Variants in ABCF3 observed in about 807,000 individuals in gnomAD.
The protein encoded by ABCF3 is ATP binding cassette subfamily F member 3.
A neutral mutation model predicts 94.3 loss-of-function variants in ABCF3; 62 were observed. That is an observed-to-expected ratio of 0.66 (90% CI 0.54 to 0.81). The LOEUF is 0.81. ABCF3 is among the 40% of genes least tolerant of loss of function. ABCF3 has a pLI of 0.00. For missense variants in ABCF3, 843 were observed against 925.3 expected (o/e 0.91, Z 1.15); for synonymous variants, 355 against 361.1 (o/e 0.98, Z 0.19).
rs1361935559 is a variant in ABCF3, at chr3:184,189,158, G to T, written c.1034+14G>T. On this transcript the variant is annotated intron_variant, in intron 10 of 20. Transcript: ENST00000429586. ...CCTCTTTGCTAGGTGAGTCTCCTGG[G>T]CCAGTGTATGAAGCCCTATGGAAGA... 6.8e-6 allele frequency: 11 copies of T among 1,614,064 alleles called. No homozygotes were observed. The Admixed American group carries it at 1.8e-4, about 27-fold the overall frequency.
Position 184,188,977 on chromosome 3 carries a change from G to T in ABCF3, c.966G>T (p.Gln322His). The T allele has an allele frequency of 6.2e-7, 1 of 1,614,230 alleles. No individual in the cohort carries two copies. Among genetic ancestry groups the T allele is most frequent in the East Asian group, 2.2e-5 (1 of 44,884 alleles). The change falls in exon 9 of 21, where the codon CAG (glutamine) becomes CAT (histidine). Residue 322 changes from glutamine (Q) to histidine (H), a missense_variant. Transcript: ENST00000429586. ...AGLGFTPKMQ[Q>H]QPTREFSGGW... ...TTGGCTTTACCCCTAAAATGCAGCA[G>T]CAGCCCACCCGGTGAGTGACCCTTG...
At chr3:184,190,097 CT>C in intron 14 of ABCF3, 166 bp downstream of exon 14, 1 of 677,118 alleles carries the variant, frequency 1.5e-6, no homozygotes, top group Non-Finnish European at 2.5e-6. Flanking sequence ...TCTTGGAGGG[CT>C]AATCTTGACT....
At chr3:184,187,574 A>T (rs1715719341) in intron 4 of ABCF3, 90 bp from the exon 5 acceptor site, 1 of 1,548,680 alleles carries the variant, frequency 6.5e-7, no homozygotes, top group Non-Finnish European at 8.9e-7. Flanking sequence ...CATCATGGGT[A>T]AGTTAAGAGG....
chr3:184,190,949 A>T, intron 14 of ABCF3, 50 bp from the exon 15 acceptor site: 1 of 1,601,770 alleles, frequency 6.2e-7, no homozygotes, highest in Middle Eastern at 1.8e-4. Flanking sequence ...CTCGTGTAGG[A>T]AGTTATTTTT....
At chr3:184,188,584 C>A in intron 7 of ABCF3, 177 bp downstream of exon 7, 2 of 1,042,864 alleles carry the variant, frequency 1.9e-6, no homozygotes, top group Non-Finnish European at 1.4e-6. Flanking sequence ...CTTTCTTGTT[C>A]TTTCCACAGT....
At chr3:184,188,592 A>G (rs1338703898) in intron 7 of ABCF3, 169 bp from the exon 8 acceptor site, 3 of 1,021,664 alleles carry the variant, frequency 2.9e-6, no homozygotes, top group Non-Finnish European at 2.8e-6. Context: ...TTCTTTCCAC[A>G]GTGCCCATTT....
chr3:184,186,933 C>T (rs943809468), intron 3 of ABCF3, 58 bp downstream of exon 3: 2 of 1,536,016 alleles, frequency 1.3e-6, no homozygotes, highest in Admixed American at 1.8e-5. Flanking sequence ...CGCCCCCAAC[C>T]ATCTGCTGCC....
chr3:184,187,617 T>G (rs772626198), intron 4 of ABCF3, 47 bp from the exon 5 acceptor site: 12 of 1,608,942 alleles, frequency 7.5e-6, no homozygotes, highest in Admixed American at 1.7e-5. Flanking sequence ...TGGGGTTCCT[T>G]TCTGAGCCTA....
In ABCF3 at chr3:184,192,616, G is replaced by C; in HGVS notation, c.1585G>C (p.Ala529Pro). Residue 529 changes from alanine (A) to proline (P), a missense_variant, in exon 17 of 21, where the codon GCT (alanine) becomes CCT (proline). Coordinates refer to ENST00000429586, the MANE Select transcript of ABCF3 (RefSeq NM_018358.3). ...SRICVVGENG[A>P]GKSTMLKLLL... ...GTTTCTTAAGGTTGGAGAGAATGGGGCTGGGAAGTCTACCATGCTGAAGCT... is the reference window on the plus strand; with the variant it reads ...GTTTCTTAAGGTTGGAGAGAATGGGCCTGGGAAGTCTACCATGCTGAAGCT... 1 of 1,609,932 alleles carries C rather than the reference G, an allele frequency of 6.2e-7. No individual in the cohort carries two copies. The highest frequency in any genetic ancestry group is 8.5e-7 in the Non-Finnish European group (1 of 1,179,144).
chr3:184,190,836 C>T (rs1471885684), intron 14 of ABCF3, 163 bp from the exon 15 acceptor site: 1 of 831,876 alleles, frequency 1.2e-6, no homozygotes, highest in Non-Finnish European at 1.8e-6. Flanking sequence ...AAGCCTAATT[C>T]TATTTTTTAG....
In ABCF3 at chr3:184,193,143, G is replaced by A; in HGVS notation, c.1792G>A (p.Gly598Ser). 6.4e-7 allele frequency: 1 copy of A among 1,561,160 alleles called. No individual in the cohort carries two copies. Among genetic ancestry groups the A allele is most frequent in the South Asian group, 1.2e-5 (1 of 81,528 alleles). ...GTACCGTCACCAGCTGGGTCGGTAT[G>A]GCATCTCCGGAGAACTGGCCATGCG... ...EEYRHQLGRYGISGELAMRPL... is the reference protein window; with the variant it reads ...EEYRHQLGRYSISGELAMRPL... The change falls in exon 19 of 21, where the codon GGC (glycine) becomes AGC (serine). Residue 598 changes from glycine (G) to serine (S), a missense_variant. Transcript: ENST00000429586. This position sits in a 1 kb window ranked among gnomAD's most constrained non-coding sequence, Gnocchi z 5.2.
At chr3:184,190,559 A>G (rs1162301565) in intron 14 of ABCF3, 4 of 169,174 alleles carry the variant, frequency 2.4e-5, no homozygotes, top group Non-Finnish European at 3.8e-5. Context: ...CCAACAAGGG[A>G]TGAGAGTTCC....
rs772153210 is a variant in ABCF3, at chr3:184,186,673, G to A, written c.221+19G>A. On this transcript the variant is annotated intron_variant, in intron 2 of 20. Transcript: ENST00000429586. Reference sequence around the variant, plus strand: ...TGCGTCTGTATGTGCCAGGGAGTAGGGGTTGATGGGGGCGAAGGGACGGCG... The same window carrying A: ...TGCGTCTGTATGTGCCAGGGAGTAGAGGTTGATGGGGGCGAAGGGACGGCG... 10 of 1,597,072 alleles carry A rather than the reference G, an allele frequency of 6.3e-6. No homozygotes were observed. The highest frequency in any genetic ancestry group is 6.0e-6 in the Non-Finnish European group (7 of 1,168,914).
At chr3:184,191,833 C>T (rs886155708) in intron 16 of ABCF3, among the ~76,000 whole-genome samples, 5 of 149,126 alleles carry the variant, frequency 3.4e-5, no homozygotes, top group African/African-American at 5.0e-5. Flanking sequence ...CCGCAGCTTT[C>T]GCCTCCCGGG....
chr3:184,190,917 A>G (rs981316763), intron 14 of ABCF3, 82 bp from the exon 15 acceptor site: 1 of 1,529,192 alleles, frequency 6.5e-7, no homozygotes, highest in Non-Finnish European at 8.9e-7. Flanking sequence ...GCCCTTTCTA[A>G]GTTTTCTCTG....
chr3:184,187,952 A>G lies in ABCF3; in HGVS notation c.538A>G (p.Ile180Val), dbSNP rs1715747602. Residue 180 changes from isoleucine to valine, a missense_variant, in exon 6 of 21, where the codon ATT (isoleucine) becomes GTT (valine). Transcript: ENST00000429586. Reference sequence around the variant, plus strand: ...CAAGAACAAATCCTATGATGTGCGAATTGAGAACTTTGATGTGTCTTTTGG... The same window carrying G: ...CAAGAACAAATCCTATGATGTGCGAGTTGAGAACTTTGATGTGTCTTTTGG... ...SGKNKSYDVR[I>V]ENFDVSFGDR... The G allele has an allele frequency of 6.2e-7, 1 of 1,614,086 alleles. No individual in the cohort carries two copies. Among genetic ancestry groups the G allele is most frequent in the African/African-American group, 1.3e-5 (1 of 75,072 alleles).
At chr3:184,186,486 G>A in intron 1 of ABCF3, 21 bp from the exon 2 acceptor site, 3 of 1,599,922 alleles carry the variant, frequency 1.9e-6, no homozygotes, top group Non-Finnish European at 1.7e-6. Context: ...TACCTTCCTC[G>A]TTCTACCACG....
chr3:184,187,357 C>T (rs756273402), intron 3 of ABCF3, 40 bp from the exon 4 acceptor site: 2 of 1,613,280 alleles, frequency 1.2e-6, no homozygotes, highest in Non-Finnish European at 1.7e-6. Flanking sequence ...AGTTTCCCTT[C>T]CCTCAGGGAG....
chr3:184,189,407 T>A lies in ABCF3; in HGVS notation c.1077T>A (p.Asp359Glu). The A allele has an allele frequency of 6.2e-7, 1 of 1,614,110 alleles. No individual in the cohort carries two copies. Among genetic ancestry groups the A allele is most frequent in the Non-Finnish European group, 8.5e-7 (1 of 1,180,018 alleles). Residue 359 changes from aspartate (D) to glutamate (E), a missense_variant, in exon 12 of 21, where the codon GAT (aspartate) becomes GAA (glutamate). Physicochemically the swap from Asp to Glu is conservative, Grantham distance 45 (BLOSUM62 2). Coordinates refer to ENST00000429586, the MANE Select transcript of ABCF3 (RefSeq NM_018358.3). The part of the protein sequence containing the change: ...LLLDEPTNML[D>E]VRAILWLENY... ...CTCCAGAACCTACAAACATGCTGGATGTCAGGGCCATCCTGTGGCTGGAGA... is the reference window on the plus strand; with the variant it reads ...CTCCAGAACCTACAAACATGCTGGAAGTCAGGGCCATCCTGTGGCTGGAGA...
Sources: gnomAD v4.1 joint callset for allele counts (sites outside exome capture counted in the v4.1 genomes callset) on GRCh38, gnomAD v4.1.1 for gene constraint, Gnocchi (gnomAD v3.1) non-coding constraint, MANE v1.5 for transcripts, NCBI Gene and HGNC (gene_info 2026-07-23, HGNC 2026-07-21) for gene names.